Variants in PRPF18 observed in about 807,000 individuals in gnomAD.
The protein encoded by PRPF18 is pre-mRNA-splicing factor 18.
Under a neutral mutation model 46.5 loss-of-function variants are expected in PRPF18, and 38 were observed. That is an observed-to-expected ratio of 0.82 (90% CI 0.63 to 1.07). The LOEUF (loss-of-function observed/expected upper bound fraction) is 1.07. Ranked by LOEUF, PRPF18 falls within the 50% of genes least tolerant of loss-of-function variation. The pLI, the probability that PRPF18 is intolerant of heterozygous loss-of-function variation, is 0.00. For synonymous variants in PRPF18, 152 were observed against 146.7 expected, an observed-to-expected ratio of 1.04 and a Z score of -0.26; for missense variants, 263 against 410.0, an observed-to-expected ratio of 0.64 and a Z score of 3.10.
the PRPF18 span, chr10:13,654,006 C>G: frequency 3.2e-6 from 1 of 314,430 alleles, no homozygotes; most frequent in Admixed American, 4.5e-5. Flanking sequence ...AAGACACTGG[C>G]TGTTTCACCT....
the PRPF18 span, chr10:13,652,011 G>C: frequency 1.8e-6 from 2 of 1,127,938 alleles, no homozygotes; most frequent in Non-Finnish European, 2.7e-6. Context: ...AGAGAAGAGA[G>C]GTCATGTTAC....
chr10:13,613,818 C>T lies in PRPF18; in HGVS notation c.657C>T (p.Asn219=). Residue 219 remains asparagine, a synonymous_variant, in exon 7 of 10, where the codon AAC becomes AAT. Transcript: ENST00000378572. ...YVKRSVQGKL[N]SATQKQTESY... ...AACGCAGTGTGCAGGGTAAACTGAA[C>T]AGTGCGACCCAGAAACAGACCGAGT... 1 of 1,614,056 alleles carries T rather than the reference C, an allele frequency of 6.2e-7. No homozygotes were observed. Among genetic ancestry groups the T allele is most frequent in the Non-Finnish European group, 8.5e-7 (1 of 1,179,978 alleles).
At chr10:13,648,907 T>G in the PRPF18 span, 1 of 152,174 alleles carries the variant, frequency 6.6e-6, no homozygotes, top group Non-Finnish European at 1.5e-5. Flanking sequence ...AGTAGTCCTG[T>G]GAGTTGCTCT....
chr10:13,613,511 G>C (rs1174342824), intron 6 of PRPF18, among the ~76,000 whole-genome samples: 1 of 152,194 alleles, frequency 6.6e-6, no homozygotes, highest in Non-Finnish European at 1.5e-5. Flanking sequence ...ATTATCCTGA[G>C]CTAGGAATAG....
chr10:13,601,090 T>A (rs1463516543), intron 3 of PRPF18, among the ~76,000 whole-genome samples: 4 of 152,138 alleles, frequency 2.6e-5, no homozygotes, highest in African/African-American at 9.7e-5. Context: ...CGCACCGTAA[T>A]ATTTAAAAAA....
chr10:13,648,998 CAT>C, the PRPF18 span, among the ~76,000 whole-genome samples: 7,267 of 152,174 alleles, frequency 0.048, 487 homozygotes, highest in African/African-American at 0.14. Context: ...GTATATGAAA[CAT>C]ATATTAAAGG....
At chr10:13,634,377 C>G (rs2080616606), downstream of PRPF18, among the ~76,000 whole-genome samples, 1 of 152,224 alleles carries the variant, frequency 6.6e-6, no homozygotes, top group African/African-American at 2.4e-5. Context: ...ATGAGAGCAG[C>G]TGAGAAGTTT....
intron 3 of PRPF18, among the ~76,000 whole-genome samples, chr10:13,603,252 T>C (rs988992533): frequency 2.6e-5 from 4 of 152,166 alleles, no homozygotes; most frequent in Non-Finnish European, 4.4e-5. Flanking sequence ...GCTTAAGTTC[T>C]TTCACTGATG....
At chr10:13,598,335 T>C (rs1268732865) in intron 2 of PRPF18, among the ~76,000 whole-genome samples, 6 of 152,188 alleles carry the variant, frequency 3.9e-5, no homozygotes, top group Non-Finnish European at 5.9e-5. Flanking sequence ...TGGAATACTT[T>C]TGCCAAATCA....
intron 4 of PRPF18, among the ~76,000 whole-genome samples, chr10:13,606,746 A>AAAAAAAC (rs2080191088): frequency 6.6e-6 from 1 of 151,456 alleles, no homozygotes. Context: ...AAAAAAAAAA[A>AAAAAAAC]AAAAAAAAAA....
chr10:13,650,585 C>T, the PRPF18 span, among the ~76,000 whole-genome samples: 7,328 of 152,186 alleles, frequency 0.048, 498 homozygotes, highest in African/African-American at 0.15. Flanking sequence ...GCCATTCTTC[C>T]TACTTCAAAA....
chr10:13,604,589 T>C (rs1462939016), intron 3 of PRPF18, among the ~76,000 whole-genome samples: 1 of 152,214 alleles, frequency 6.6e-6, no homozygotes, highest in Non-Finnish European at 1.5e-5. Flanking sequence ...TTATGGTAAT[T>C]ATCAGCTGGC....
chr10:13,616,615 C>CT (rs1246940686), intron 9 of PRPF18, 62 bp downstream of exon 9: 6 of 1,577,318 alleles, frequency 3.8e-6, no homozygotes, highest in South Asian at 1.1e-5. Flanking sequence ...TCCCAAAACT[C>CT]TAAGTCTGGA....
chr10:13,608,687 T>G (rs1300990405), intron 4 of PRPF18, among the ~76,000 whole-genome samples: 1 of 152,238 alleles, frequency 6.6e-6, no homozygotes, highest in Non-Finnish European at 1.5e-5. Flanking sequence ...CCTTTGTTAG[T>G]GTACTTACTG....
chr10:13,636,882 C>T, the PRPF18 span: 1 of 152,188 alleles, frequency 6.6e-6, no homozygotes, highest in Non-Finnish European at 1.5e-5. Flanking sequence ...ACAACCATCA[C>T]CACAGTCTTA....
intron 3 of PRPF18, among the ~76,000 whole-genome samples, chr10:13,604,455 C>T (rs191204758): frequency 6.6e-6 from 1 of 152,102 alleles, no homozygotes; most frequent in Non-Finnish European, 1.5e-5. Context: ...TTCATGTAAC[C>T]ATCACCCAAG....
At chr10:13,654,364 C>CT in the PRPF18 span, 1 of 1,141,416 alleles carries the variant, frequency 8.8e-7, no homozygotes. Context: ...ATCTGAACGT[C>CT]TATGACACTC....
intron 9 of PRPF18, among the ~76,000 whole-genome samples, chr10:13,629,123 A>G (rs1185735123): frequency 6.6e-6 from 1 of 152,224 alleles, no homozygotes; most frequent in Non-Finnish European, 1.5e-5. Flanking sequence ...ATCTAACTAT[A>G]AAGTTATACA....
intron 8 of PRPF18, among the ~76,000 whole-genome samples, chr10:13,615,192 CT>C (rs2133792132): frequency 6.6e-6 from 1 of 152,378 alleles, no homozygotes; most frequent in African/African-American, 2.4e-5. Context: ...GTCACCATCA[CT>C]GCAGGAAGAA....
Sources: gnomAD v4.1 joint callset for allele counts (sites outside exome capture counted in the v4.1 genomes callset) on GRCh38, gnomAD v4.1.1 for gene constraint, MANE v1.5 for transcripts, NCBI Gene and HGNC (gene_info 2026-07-23, HGNC 2026-07-21) for gene names.